Variants in TTC9C observed in about 807,000 individuals in gnomAD.
TTC9C encodes the protein tetratricopeptide repeat domain 9C.
TTC9C carries 15 observed loss-of-function variants against 22.5 expected under a neutral mutation model. That is an observed-to-expected ratio of 0.67 (90% CI 0.45 to 1.03). The LOEUF (loss-of-function observed/expected upper bound fraction) is 1.03. Ranked by LOEUF, TTC9C falls within the 50% of genes least tolerant of loss-of-function variation. The pLI is 0.00. For synonymous variants in TTC9C, 92 were observed against 86.8 expected, an observed-to-expected ratio of 1.06 and a Z score of -0.33; for missense variants, 244 against 214.6, an observed-to-expected ratio of 1.14 and a Z score of -0.86.
intron 2 of TTC9C, among the ~76,000 whole-genome samples, chr11:62,736,905 G>A (rs540725775): frequency 1.1e-4 from 17 of 150,548 alleles, no homozygotes; most frequent in Non-Finnish European, 1.9e-4. Flanking sequence ...TGGTCTTTAA[G>A]AGTGATTGGA....
chr11:62,735,313 G>C (rs1222416082), intron 1 of TTC9C, 69 bp from the exon 2 acceptor site: 2 of 1,579,300 alleles, frequency 1.3e-6, no homozygotes, highest in Non-Finnish European at 8.6e-7. Context: ...GTACTGTCTT[G>C]AGCTGGCCAG....
intron 1 of TTC9C, among the ~76,000 whole-genome samples, chr11:62,733,766 G>A (rs2083879155): frequency 6.6e-6 from 1 of 152,004 alleles, no homozygotes; most frequent in Non-Finnish European, 1.5e-5. Context: ...GGCAGAGGCA[G>A]GTGGATCACA....
chr11:62,730,867 C>T (rs1275373264), intron 1 of TTC9C, among the ~76,000 whole-genome samples: 1 of 151,098 alleles, frequency 6.6e-6, no homozygotes, highest in African/African-American at 2.4e-5. Context: ...GCCACCACGC[C>T]TGGCCTTATT....
intron 1 of TTC9C, among the ~76,000 whole-genome samples, chr11:62,729,865 C>A (rs572032307): frequency 6.6e-6 from 1 of 152,014 alleles, no homozygotes; most frequent in African/African-American, 2.4e-5. Flanking sequence ...CGTGAGCCAC[C>A]GCACCCAGCC....
intron 1 of TTC9C, among the ~76,000 whole-genome samples, chr11:62,734,037 G>A (rs986996327): frequency 8.6e-5 from 13 of 151,212 alleles, no homozygotes; most frequent in African/African-American, 2.4e-4. Context: ...GGTGGTTCAC[G>A]TCTATAATCC....
intron 1 of TTC9C, chr11:62,733,033 A>G (rs1417804805): frequency 1.5e-6 from 1 of 688,170 alleles, no homozygotes; most frequent in Non-Finnish European, 2.2e-6. Context: ...AGACATCAGC[A>G]CAGGCCCTTT....
intron 1 of TTC9C, among the ~76,000 whole-genome samples, chr11:62,734,890 T>C (rs1487137827): frequency 2.0e-5 from 3 of 152,188 alleles, no homozygotes; most frequent in South Asian, 2.1e-4. Flanking sequence ...GATTACAAGA[T>C]ATATGAATTT....
upstream of TTC9C, chr11:62,728,169 T>G (rs1158934407): frequency 3.7e-6 from 1 of 270,224 alleles, no homozygotes; most frequent in Non-Finnish European, 7.3e-6. Context: ...ACTGTACGCA[T>G]CTCTGACCCT....
intron 1 of TTC9C, among the ~76,000 whole-genome samples, chr11:62,730,317 C>G (rs569933774): frequency 3.3e-5 from 5 of 152,252 alleles, no homozygotes; most frequent in Non-Finnish European, 7.4e-5. Context: ...TCAGGTGATT[C>G]GCCCGCCTCG....
At chr11:62,730,336 A>G (rs932499948) in intron 1 of TTC9C, among the ~76,000 whole-genome samples, 4 of 152,228 alleles carry the variant, frequency 2.6e-5, no homozygotes, top group African/African-American at 9.6e-5. Context: ...CGGCCTCGCA[A>G]AGTGCTGGGA....
At position 62,728,854 on chromosome 11, in the gene TTC9C, G is replaced by C. The variant is rs765343603; in HGVS notation, c.6G>C (p.Glu2Asp). 5 of 1,614,008 alleles carry C rather than the reference G, an allele frequency of 3.1e-6. No individual in the cohort carries two copies. Among genetic ancestry groups the C allele is most frequent in the Non-Finnish European group, 4.2e-6 (5 of 1,180,018 alleles). Residue 2 changes from glutamate (E) to aspartate (D), a missense_variant, in exon 1 of 3, where the codon GAG (glutamate) becomes GAC (aspartate). Glu to Asp is a conservative substitution (Grantham distance 45). Coordinates refer to ENST00000316461, the MANE Select transcript of TTC9C (RefSeq NM_173810.4). M[E>D]KRLQEAQLYK... ...AAGAACCGTGGGCGACAGTTATGGA[G>C]AAGCGTCTGCAGGAGGCTCAGCTGT...
rs987610522 is a variant in TTC9C, at chr11:62,729,126, CAG to C, written c.238+41_238+42del. 1.9e-6 allele frequency: 3 copies of C among 1,560,526 alleles called. No individual in the cohort carries two copies. In the African/African-American group the frequency reaches 4.1e-5, roughly 21 times the overall value. On this transcript the variant is annotated intron_variant, in intron 1 of 2. Coordinates refer to ENST00000316461, the MANE Select transcript of TTC9C (RefSeq NM_173810.4). The stretch of plus-strand genomic sequence containing the variant: ...AAAGGGTGGCTAGAGAGCATTAAGA[CAG>C]GAACATGAACATCTGTGAACATTGG...
intron 1 of TTC9C, chr11:62,733,317 A>G (rs2083873683): frequency 6.8e-6 from 3 of 438,018 alleles, no homozygotes; most frequent in African/African-American, 2.1e-5. Context: ...TTCATATTCC[A>G]CCTAGAACCT....
At chr11:62,736,112 C>T (rs1565173037) in intron 2 of TTC9C, 1 of 149,060 alleles carries the variant, frequency 6.7e-6, no homozygotes, top group Non-Finnish European at 1.5e-5. Context: ...TGGCGCATGC[C>T]TGTAAACCCA....
chr11:62,734,255 G>A (rs577588489), intron 1 of TTC9C, among the ~76,000 whole-genome samples: 1 of 151,630 alleles, frequency 6.6e-6, no homozygotes, highest in Non-Finnish European at 1.5e-5. Flanking sequence ...CTGAGATCGC[G>A]CCATTGCACT....
In TTC9C at chr11:62,735,406, T is replaced by C; in HGVS notation, c.263T>C (p.Val88Ala). Residue 88 changes from valine to alanine, a missense_variant, in exon 2 of 3, where the codon GTG becomes GCG. Physicochemically the swap from Val to Ala is moderately conservative, Grantham distance 64. Coordinates refer to ENST00000316461, the MANE Select transcript of TTC9C (RefSeq NM_173810.4). ...GCTTGTCTCCTTCAGATGGAGCCCG[T>C]GAACTACGAACGAGTGAGAGAATAT... ...LAACLLQMEP[V>A]NYERVREYSQ... The C allele has an allele frequency of 1.2e-6, 2 of 1,614,152 alleles. No individual in the cohort carries two copies. Among genetic ancestry groups the C allele is most frequent in the Non-Finnish European group, 1.7e-6 (2 of 1,179,998 alleles).
chr11:62,738,267 G>A (rs201518809), intron 2 of TTC9C, 21 bp from the exon 3 acceptor site: 109 of 1,530,776 alleles, frequency 7.1e-5, no homozygotes, highest in Non-Finnish European at 9.0e-5. Context: ...GTTTCTAATT[G>A]CTTCTCCATC....
Position 62,738,590 on chromosome 11 carries a change from GTTA to G in TTC9C, c.*211_*213del. 2.3e-6 allele frequency: 1 copy of G among 429,314 alleles called. No homozygotes were observed. The highest frequency in any genetic ancestry group is 4.2e-6 in the Non-Finnish European group (1 of 237,900). 26.6% of individuals were successfully genotyped at this position (429,314 alleles called of 1,614,324 possible). On this transcript the variant is annotated 3_prime_UTR_variant, in exon 3 of 3. Coordinates refer to ENST00000316461, the MANE Select transcript of TTC9C (RefSeq NM_173810.4). ...TTTATTTCTATACCTTTCAATACAT[GTTA>G]TTGTTGCAGATATTTGGCTTGAGAA...
intron 1 of TTC9C, among the ~76,000 whole-genome samples, chr11:62,732,340 G>A (rs530375740): frequency 1.3e-5 from 2 of 152,220 alleles, no homozygotes; most frequent in South Asian, 4.1e-4. Context: ...CGGGCATGGT[G>A]GCTCATGTCT....
Sources: allele counts gnomAD v4.1 joint callset (sites outside exome capture counted in the v4.1 genomes callset), GRCh38; gene constraint gnomAD v4.1.1; transcripts MANE v1.5; gene names NCBI Gene and HGNC (gene_info 2026-07-23, HGNC 2026-07-21).